Variants in KCTD16 observed in about 807,000 individuals in gnomAD.
The protein encoded by KCTD16 is BTB/POZ domain-containing protein KCTD16.
KCTD16 carries 13 observed loss-of-function variants against 33.2 expected under a neutral mutation model. That is an observed-to-expected ratio of 0.39 (90% CI 0.25 to 0.62). KCTD16 has a LOEUF of 0.62. Ranked by LOEUF, KCTD16 falls within the 20% of genes least tolerant of loss-of-function variation. The pLI is 0.50. For missense variants in KCTD16, 441 were observed against 525.1 expected (o/e 0.84, Z 1.57); for synonymous variants, 197 against 195.3 (o/e 1.01, Z -0.07).
intron 2 of KCTD16, among the ~76,000 whole-genome samples, chr5:144,185,503 C>A (rs1407954588): frequency 6.6e-6 from 1 of 152,002 alleles, no homozygotes; most frequent in Non-Finnish European, 1.5e-5. Flanking sequence ...TCTGGTTGAG[C>A]TTCATGTCCA....
chr5:144,435,262 A>T (rs527961361), intron 3 of KCTD16, among the ~76,000 whole-genome samples: 2 of 152,168 alleles, frequency 1.3e-5, no homozygotes, highest in East Asian at 3.8e-4. Context: ...TCATTTGTTT[A>T]TCTATAAATC....
At chr5:144,435,823 C>CTGTGTGTGTG (rs138524677) in intron 3 of KCTD16, among the ~76,000 whole-genome samples, 1 of 143,550 alleles carries the variant, frequency 7.0e-6, no homozygotes, top group African/African-American at 2.8e-5. Flanking sequence ...GTGCGCTTTC[C>CTGTGTGTGTG]TGTGTGTGTG....
chr5:144,439,784 C>T (rs554321955), intron 3 of KCTD16, among the ~76,000 whole-genome samples: 2 of 152,084 alleles, frequency 1.3e-5, no homozygotes, highest in Non-Finnish European at 2.9e-5. Context: ...AAGATCATGG[C>T]TGTTACAGGT....
At chr5:144,323,331 C>T (rs1168047101) in intron 3 of KCTD16, among the ~76,000 whole-genome samples, 1 of 152,038 alleles carries the variant, frequency 6.6e-6, no homozygotes, top group Admixed American at 6.6e-5. Context: ...TCTGGGTTCT[C>T]CAAGAAACAG....
chr5:144,305,582 G>A (rs570333184), intron 3 of KCTD16, among the ~76,000 whole-genome samples: 73 of 152,300 alleles, frequency 4.8e-4, no homozygotes, highest in Middle Eastern at 6.8e-3. Flanking sequence ...TTGGGAGGCC[G>A]AGGTGGGTGG....
At chr5:144,280,720 C>G (rs563809789) in intron 3 of KCTD16, among the ~76,000 whole-genome samples, 2 of 152,082 alleles carry the variant, frequency 1.3e-5, no homozygotes, top group African/African-American at 4.8e-5. Context: ...GTCAGGAGAT[C>G]GAGACCATCC....
chr5:144,325,128 CGAAA>C (rs1404818552), intron 3 of KCTD16, among the ~76,000 whole-genome samples: 7 of 152,074 alleles, frequency 4.6e-5, no homozygotes, highest in Non-Finnish European at 8.8e-5. Context: ...ATGATGGCAA[CGAAA>C]GAGTTTTATA....
rs560741309 is a variant in KCTD16, at chr5:144,351,646, C to A, written c.833-122014C>A. 1.3e-4 allele frequency among the ~76,000 whole-genome samples: 20 copies of A among 152,190 alleles called. No homozygotes were observed. In the East Asian group the frequency reaches 3.5e-3, roughly 26 times the overall value. On this transcript the variant is annotated intron_variant, in intron 3 of 3. Transcript: ENST00000512467. ...TATTCACAATAGCCAACATATAAAA[C>A]CAACCTAGGTGTCCACCAATGAATA...
At chr5:144,189,191 A>G (rs543464057) in intron 2 of KCTD16, among the ~76,000 whole-genome samples, 1 of 152,252 alleles carries the variant, frequency 6.6e-6, no homozygotes, top group African/African-American at 2.4e-5. Context: ...TGAAATTTGG[A>G]TGAACTCTTG....
At chr5:144,317,048 G>A (rs1438098277) in intron 3 of KCTD16, among the ~76,000 whole-genome samples, 3 of 150,480 alleles carry the variant, frequency 2.0e-5, no homozygotes, top group Non-Finnish European at 4.4e-5. Context: ...GGATGGTCTC[G>A]ATCTCTTGAA....
chr5:144,198,979 C>T (rs1436617534), intron 2 of KCTD16, among the ~76,000 whole-genome samples: 1 of 152,182 alleles, frequency 6.6e-6, no homozygotes, highest in African/African-American at 2.4e-5. Flanking sequence ...CTTTTCTTTA[C>T]AAACAGGATT....
rs10589565 is a variant in KCTD16, at chr5:144,299,044, C to CTATATATATATATATATA, written c.832+91510_832+91527dup. On this transcript the variant is annotated intron_variant, in intron 3 of 3. Coordinates refer to ENST00000512467, the MANE Select transcript of KCTD16 (RefSeq NM_020768.4). The stretch of plus-strand genomic sequence containing the variant: ...TGCTATGAATAAGTAAAACAGATCA[C>CTATATATATATATATATA]TATATATATATATATATATATATAT... Among the ~76,000 whole-genome samples the CTATATATATATATATATA allele has an allele frequency of 1.8e-3, 64 of 35,934 alleles. 2 individuals carry two copies. Among genetic ancestry groups the CTATATATATATATATATA allele is most frequent in the Non-Finnish European group, 2.6e-3 (47 of 18,000 alleles). The allele number at this position is 35,934 out of a possible 152,430, so 23.6% of individuals were successfully genotyped here.
At chr5:144,443,814 T>C (rs974930820) in intron 3 of KCTD16, among the ~76,000 whole-genome samples, 4 of 152,106 alleles carry the variant, frequency 2.6e-5, no homozygotes, top group Non-Finnish European at 4.4e-5. Flanking sequence ...ATAGCTGTCT[T>C]ATTTTATTTT....
At position 144,349,453 on chromosome 5, in the gene KCTD16, A is replaced by T. The variant is rs149988521; in HGVS notation, c.833-124207A>T. On this transcript the variant is annotated intron_variant, in intron 3 of 3. Transcript: ENST00000512467. ...CTATGATTTTTATCATTCCTGAAAA[A>T]GTTATAGATGCTATACAGTGTAGGA... Among the ~76,000 whole-genome samples, 3 of 152,346 alleles carry T rather than the reference A, an allele frequency of 2.0e-5. No individual in the cohort carries two copies. The East Asian group carries it at 5.8e-4, about 29-fold the overall frequency.
At chr5:144,473,539 C>T in intron 3 of KCTD16, 121 bp from the exon 4 acceptor site, 1 of 1,067,318 alleles carries the variant, frequency 9.4e-7, no homozygotes, top group Non-Finnish European at 1.3e-6. Context: ...CCCACTTTTT[C>T]TAAAAGCATG....
chr5:144,404,665 C>T (rs1190919568), intron 3 of KCTD16, among the ~76,000 whole-genome samples: 2 of 152,178 alleles, frequency 1.3e-5, no homozygotes, highest in Admixed American at 6.5e-5. Context: ...ATTTCTCCCT[C>T]TTCATTGAGA....
chr5:144,189,268 G>A (rs531661166), intron 2 of KCTD16, among the ~76,000 whole-genome samples: 139 of 152,124 alleles, frequency 9.1e-4, no homozygotes, highest in African/African-American at 3.3e-3. Context: ...CGAGGCGGGC[G>A]GATCACGAGG....
At chr5:144,339,806 T>C (rs1405787298) in intron 3 of KCTD16, among the ~76,000 whole-genome samples, 1 of 152,186 alleles carries the variant, frequency 6.6e-6, no homozygotes. Context: ...GTGCTAGGGC[T>C]ACAATAAAAT....
chr5:144,241,096 G>A (rs1754390517), intron 3 of KCTD16, among the ~76,000 whole-genome samples: 1 of 152,112 alleles, frequency 6.6e-6, no homozygotes, highest in Admixed American at 6.6e-5. Context: ...ATGAAATCAT[G>A]CATGGTGCTT....
Sources: gnomAD v4.1 joint callset for allele counts (sites outside exome capture counted in the v4.1 genomes callset) on GRCh38, gnomAD v4.1.1 for gene constraint, MANE v1.5 for transcripts, NCBI Gene and HGNC (gene_info 2026-07-23, HGNC 2026-07-21) for gene names.